IFT122: variants seen among roughly 807,000 people sequenced by gnomAD.
IFT122 encodes the protein intraflagellar transport 122, also known as intraflagellar transport protein 122 homolog.
Under a neutral mutation model 161.6 loss-of-function variants are expected in IFT122, and 118 were observed. The ratio of observed to expected loss-of-function variants is 0.73; its 90% CI spans 0.63 to 0.85. The LOEUF is 0.85. Ranked by LOEUF, IFT122 falls within the 40% of genes least tolerant of loss-of-function variation. The pLI, the probability that IFT122 is intolerant of heterozygous loss-of-function variation, is 0.00. For synonymous variants in IFT122, 550 were observed against 602.4 expected (o/e 0.91, Z 1.27); for missense variants, 1,381 against 1,579.6 (o/e 0.87, Z 2.13).
At chr3:129,513,092 GGAGAGGCAGCAGGACCCAAGGCCT>G (rs1431803739) in intron 24 of IFT122, 1 of 156,048 alleles carries the variant, frequency 6.4e-6, no homozygotes, top group Non-Finnish European at 1.4e-5. Flanking sequence ...GGGAGGGGCC[GGAGAGGCAGCAGGACCCAAGGCCT>G]GAGAGCCTAC....
intron 25 of IFT122, chr3:129,514,911 C>G (rs377662681): frequency 2.4e-5 from 10 of 421,458 alleles, no homozygotes; most frequent in African/African-American, 2.0e-4. Flanking sequence ...AACCTCTGCC[C>G]TTTCTGGAAC....
intron 17 of IFT122, among the ~76,000 whole-genome samples, chr3:129,494,881 C>A (rs560277091): frequency 6.6e-6 from 1 of 152,148 alleles, no homozygotes; most frequent in African/African-American, 2.4e-5. Flanking sequence ...CCCTGAGGGT[C>A]ACTGAGAGGA....
Position 129,465,921 on chromosome 3 carries a change from C to T in IFT122, c.564-969C>T, listed in dbSNP as rs371504276. Among the ~76,000 whole-genome samples, 13 of 149,644 alleles carry T rather than the reference C, an allele frequency of 8.7e-5. 2 individuals carry two copies. The highest frequency in any genetic ancestry group is 3.4e-3 in the Middle Eastern group (1 of 294). On this transcript the variant is annotated intron_variant, in intron 7 of 29. Coordinates refer to ENST00000348417, the MANE Select transcript of IFT122 (RefSeq NM_052989.3). ...CCTCCCAAAGTGCTGGGATTACAGGCGTGAGCCACCGCGCACGCCTGGCTA... is the reference window on the plus strand; with the variant it reads ...CCTCCCAAAGTGCTGGGATTACAGGTGTGAGCCACCGCGCACGCCTGGCTA...
rs370415289 is a variant in IFT122 at position 129,502,872 on chromosome 3, G to A, written c.2537G>A (p.Arg846His). 4.2e-5 allele frequency: 68 copies of A among 1,610,248 alleles called. No homozygotes were observed. Among genetic ancestry groups the A allele is most frequent in the East Asian group, 1.1e-4 (5 of 44,890 alleles). Residue 846 changes from arginine to histidine, a missense_variant, in exon 20 of 30, where the codon CGC (arginine) becomes CAC (histidine). Coordinates refer to ENST00000348417, the MANE Select transcript of IFT122 (RefSeq NM_052989.3). ...GTGCAGCTGCACGTGGAGACCCAGCGCTGGGATGAGGTGAGGGGAAAGCAG... is the reference window on the plus strand; with the variant it reads ...GTGCAGCTGCACGTGGAGACCCAGCACTGGGATGAGGTGAGGGGAAAGCAG... ...SLVQLHVETQ[R>H]WDEAFALGEK...
chr3:129,493,632 G>A (rs1463191656), intron 17 of IFT122, among the ~76,000 whole-genome samples: 2 of 152,134 alleles, frequency 1.3e-5, no homozygotes, highest in African/African-American at 2.4e-5. Flanking sequence ...CTCCCTACCC[G>A]CGTGTTGTAA....
At chr3:129,516,753 ACAGACTGCCCCTG>A (rs2083813695) in intron 26 of IFT122, among the ~76,000 whole-genome samples, 3 of 131,246 alleles carry the variant, frequency 2.3e-5, no homozygotes, top group East Asian at 2.6e-4. Context: ...ACACACACAC[ACAGACTGCCCCTG>A]CACACAGACA....
chr3:129,457,946 G>T, intron 3 of IFT122: 1 of 157,696 alleles, frequency 6.3e-6, no homozygotes, highest in Non-Finnish European at 1.4e-5. Context: ...CACCGTGTTG[G>T]CCAGGATGGT....
At chr3:129,450,492 A>T (rs1448100639) in intron 2 of IFT122, among the ~76,000 whole-genome samples, 1 of 151,830 alleles carries the variant, frequency 6.6e-6, no homozygotes, top group Non-Finnish European at 1.5e-5. Context: ...GTCTAAGTCT[A>T]CTTCCTCTTC....
intron 22 of IFT122, 148 bp from the exon 23 acceptor site, chr3:129,507,520 A>G (rs1406787342): frequency 1.4e-6 from 1 of 736,268 alleles, no homozygotes; most frequent in South Asian, 1.4e-5. Context: ...CCCTCACTAC[A>G]CTTTGTCCCT....
At chr3:129,472,498 T>C (rs535928565) in intron 9 of IFT122, among the ~76,000 whole-genome samples, 1 of 152,296 alleles carries the variant, frequency 6.6e-6, no homozygotes, top group South Asian at 2.1e-4. Context: ...ATAAGAATTA[T>C]ATTTAAAGTG....
intron 24 of IFT122, 136 bp downstream of exon 24, chr3:129,512,548 C>A: frequency 1.3e-6 from 1 of 757,444 alleles, no homozygotes; most frequent in South Asian, 1.4e-5. Context: ...ACTCACCCTC[C>A]CGCTGCTGTT....
chr3:129,476,940 GTTTTCTT>G, intron 11 of IFT122, 139 bp downstream of exon 11: 8 of 714,958 alleles, frequency 1.1e-5, no homozygotes, highest in South Asian at 2.0e-5. Flanking sequence ...TCTGTGTCTT[GTTTTCTT>G]TTTTTTTTTT....
At chr3:129,513,818 T>G (rs1578144725) in intron 24 of IFT122, 1 of 204,428 alleles carries the variant, frequency 4.9e-6, no homozygotes, top group Non-Finnish European at 1.0e-5. Context: ...ACATCGGAGG[T>G]GACCTGAGAG....
rs776052135 is a variant in IFT122, at chr3:129,514,447, C to T, written c.3046C>T (p.Arg1016Trp). ...SKALGAYRLARHAYDKLRGLY... is the reference protein window; with the variant it reads ...SKALGAYRLAWHAYDKLRGLY... ...GGCCCTCGGTGCCTACAGGCTGGCC[C>T]GGCACGCCTATGACAAGCTGCGTGG... Residue 1016 changes from arginine to tryptophan, a missense_variant, in exon 25 of 30, where the codon CGG becomes TGG. Coordinates refer to ENST00000348417, the MANE Select transcript of IFT122 (RefSeq NM_052989.3). 26 of 1,614,084 alleles carry T rather than the reference C, an allele frequency of 1.6e-5. No homozygotes were observed. Among genetic ancestry groups the T allele is most frequent in the African/African-American group, 9.3e-5 (7 of 74,940 alleles).
Position 129,483,509 on chromosome 3 carries a change from T to C in IFT122, c.1678T>C (p.Trp560Arg). 1.2e-6 allele frequency: 2 copies of C among 1,613,912 alleles called. No individual in the cohort carries two copies. Among genetic ancestry groups the C allele is most frequent in the Non-Finnish European group, 1.7e-6 (2 of 1,179,970 alleles). Residue 560 changes from tryptophan to arginine, a missense_variant, in exon 15 of 30, where the codon TGG becomes CGG. By Grantham distance (101) the Trp-to-Arg change is moderately radical. Transcript: ENST00000348417. ...GGAACCAAACGCCAACAGTGTAGCT[T>C]GGAACACCCAGTGTGAGGACATGCT... ...FQEPNANSVA[W>R]NTQCEDMLCF...
chr3:129,441,984 C>G (rs546689426), intron 1 of IFT122, among the ~76,000 whole-genome samples: 8 of 152,156 alleles, frequency 5.3e-5, no homozygotes, highest in Admixed American at 6.6e-5. Flanking sequence ...CTGCCAATTA[C>G]CACCATGCAG....
At chr3:129,448,949 T>C (rs945523042) in intron 1 of IFT122, among the ~76,000 whole-genome samples, 3 of 152,344 alleles carry the variant, frequency 2.0e-5, no homozygotes, top group Admixed American at 1.3e-4. Flanking sequence ...TCCTCCTGCC[T>C]TGGCCTCCCA....
chr3:129,499,355 C>T (rs1050055806), intron 18 of IFT122, among the ~76,000 whole-genome samples: 2 of 152,190 alleles, frequency 1.3e-5, no homozygotes, highest in African/African-American at 4.8e-5. Context: ...CACGGAGGGC[C>T]GGCAAACACT....
intron 20 of IFT122, chr3:129,503,931 A>G (rs2081911824): frequency 3.0e-6 from 1 of 335,100 alleles, no homozygotes; most frequent in African/African-American, 2.2e-5. Context: ...ATCTTTGACA[A>G]CTGATAAGAA....
Sources: allele counts gnomAD v4.1 joint callset (sites outside exome capture counted in the v4.1 genomes callset), GRCh38; gene constraint gnomAD v4.1.1; transcripts MANE v1.5; gene names NCBI Gene and HGNC (gene_info 2026-07-23, HGNC 2026-07-21).